Variants in MDGA2 observed in about 807,000 individuals in gnomAD.
The protein encoded by MDGA2 is MAM domain-containing glycosylphosphatidylinositol anchor protein 2.
Under a neutral mutation model 117.8 loss-of-function variants are expected in MDGA2, and 40 were observed. That is an observed-to-expected ratio of 0.34 (90% CI 0.26 to 0.44). The LOEUF (loss-of-function observed/expected upper bound fraction) is 0.44. Among genes scored for constraint, MDGA2 ranks in the 20% least tolerant of loss-of-function variants. The probability of loss-of-function intolerance (pLI) is 1.00; values close to 1 mark genes in which losing one functional copy is unlikely to be tolerated. For missense variants in MDGA2, 1,123 were observed against 1,250.6 expected, an observed-to-expected ratio of 0.90 and a Z score of 1.54; for synonymous variants, 452 against 439.0, an observed-to-expected ratio of 1.03 and a Z score of -0.37.
At chr14:47,664,265 CA>C (rs1897901818) in intron 1 of MDGA2, among the ~76,000 whole-genome samples, 1 of 152,166 alleles carries the variant, frequency 6.6e-6, no homozygotes, top group East Asian at 1.9e-4. Flanking sequence ...TAGACTGACA[CA>C]ACCAGAATAT....
At chr14:47,278,817 T>C (rs1009389051) in intron 2 of MDGA2, among the ~76,000 whole-genome samples, 6 of 152,188 alleles carry the variant, frequency 3.9e-5, no homozygotes, top group Non-Finnish European at 8.8e-5. Flanking sequence ...TAGCTTTTTG[T>C]ATGTTCTTTC....
intron 1 of MDGA2, among the ~76,000 whole-genome samples, chr14:47,601,352 G>A (rs1158867165): frequency 6.6e-6 from 1 of 152,060 alleles, no homozygotes; most frequent in Non-Finnish European, 1.5e-5. Flanking sequence ...ATACTTTTGT[G>A]ACTTTCTTCA....
At chr14:47,545,959 A>G (rs1895454535) in intron 1 of MDGA2, among the ~76,000 whole-genome samples, 1 of 152,120 alleles carries the variant, frequency 6.6e-6, no homozygotes, top group African/African-American at 2.4e-5. Flanking sequence ...TGTGCTAAGC[A>G]CTTTTGGGAA....
chr14:47,391,722 T>C (rs987552554), intron 1 of MDGA2, among the ~76,000 whole-genome samples: 3 of 152,162 alleles, frequency 2.0e-5, no homozygotes, highest in African/African-American at 7.2e-5. Context: ...AATTTGAAAA[T>C]GTTTTTCTAA....
chr14:46,856,495 A>C (rs1881274378), intron 14 of MDGA2, among the ~76,000 whole-genome samples: 1 of 152,076 alleles, frequency 6.6e-6, no homozygotes, highest in African/African-American at 2.4e-5. Context: ...ACTAGTAATC[A>C]GGCTTCTATC....
chr14:47,548,856 G>A (rs915183709), intron 1 of MDGA2, among the ~76,000 whole-genome samples: 3 of 151,994 alleles, frequency 2.0e-5, no homozygotes, highest in Non-Finnish European at 2.9e-5. Context: ...GTCCTTTAAA[G>A]TTGTAGTCAG....
intron 1 of MDGA2, among the ~76,000 whole-genome samples, chr14:47,390,491 T>G (rs1411105396): frequency 6.6e-6 from 1 of 152,164 alleles, no homozygotes; most frequent in Non-Finnish European, 1.5e-5. Flanking sequence ...AATATGACAA[T>G]ATGCATGGTC....
intron 2 of MDGA2, among the ~76,000 whole-genome samples, chr14:47,296,400 A>T (rs554244435): frequency 6.6e-6 from 1 of 152,362 alleles, no homozygotes; most frequent in East Asian, 1.9e-4. Context: ...CAACATGTTT[A>T]TCAGCAATTG....
chr14:47,042,357 A>G (rs1190188642), intron 7 of MDGA2, among the ~76,000 whole-genome samples: 4 of 147,324 alleles, frequency 2.7e-5, no homozygotes, highest in East Asian at 4.0e-4. Context: ...ATGCACACGC[A>G]TGCAGGTGCG....
chr14:47,286,183 A>T (rs773232931), intron 2 of MDGA2, among the ~76,000 whole-genome samples: 1 of 152,106 alleles, frequency 6.6e-6, no homozygotes, highest in Non-Finnish European at 1.5e-5. Context: ...AAAGCTGAGT[A>T]ATTGGAAGTA....
intron 1 of MDGA2, among the ~76,000 whole-genome samples, chr14:47,371,558 G>A (rs889297390): frequency 1.3e-5 from 2 of 151,738 alleles, no homozygotes; most frequent in African/African-American, 4.8e-5. Context: ...ATAGTTTGAG[G>A]ATGGTAAGGC....
intron 14 of MDGA2, among the ~76,000 whole-genome samples, chr14:46,864,545 GTTTTTTTTTTTTTTT>G (rs71112467): frequency 3.9e-5 from 2 of 51,472 alleles, no homozygotes; most frequent in African/African-American, 5.9e-5. Flanking sequence ...AGATATTGCT[GTTTTTTTTTTTTTTT>G]TTTTTTTTTT....
intron 1 of MDGA2, among the ~76,000 whole-genome samples, chr14:47,457,901 T>G (rs911740539): frequency 6.6e-6 from 1 of 151,930 alleles, no homozygotes; most frequent in Non-Finnish European, 1.5e-5. Flanking sequence ...CATTTACTGT[T>G]ATTATTTTCA....
chr14:47,399,419 T>C (rs1892085348), intron 1 of MDGA2, among the ~76,000 whole-genome samples: 1 of 152,180 alleles, frequency 6.6e-6, no homozygotes, highest in Non-Finnish European at 1.5e-5. Context: ...GAAGAGAGAA[T>C]GAGGAATAAT....
At chr14:46,950,517 C>A (rs1342050145) in intron 9 of MDGA2, among the ~76,000 whole-genome samples, 1 of 151,920 alleles carries the variant, frequency 6.6e-6, no homozygotes, top group Non-Finnish European at 1.5e-5. Context: ...AGTACAGCTG[C>A]AACTCATAAG....
intron 10 of MDGA2, among the ~76,000 whole-genome samples, chr14:46,918,018 A>G (rs1883967381): frequency 1.3e-5 from 2 of 152,228 alleles, no homozygotes; most frequent in Admixed American, 1.3e-4. Flanking sequence ...TTTGAGGTGC[A>G]TAAAAGTAAA....
At chr14:47,552,509 A>G (rs1028914268) in intron 1 of MDGA2, among the ~76,000 whole-genome samples, 9 of 152,212 alleles carry the variant, frequency 5.9e-5, no homozygotes, top group Non-Finnish European at 1.5e-5. Flanking sequence ...CCAATCTTTC[A>G]GCAAATCCTA....
chr14:47,376,890 T>C (rs1169137620), intron 1 of MDGA2, among the ~76,000 whole-genome samples: 1 of 152,148 alleles, frequency 6.6e-6, no homozygotes, highest in Non-Finnish European at 1.5e-5. Context: ...AAAAGATTAA[T>C]TACAAACAAT....
chr14:47,541,779 CTCT>C (rs1248800945), intron 1 of MDGA2, among the ~76,000 whole-genome samples: 4 of 152,140 alleles, frequency 2.6e-5, no homozygotes, highest in Non-Finnish European at 5.9e-5. Context: ...CCATTTTATC[CTCT>C]TCTTAAGCCT....
Sources: allele counts gnomAD v4.1 joint callset (sites outside exome capture counted in the v4.1 genomes callset), GRCh38; gene constraint gnomAD v4.1.1; transcripts MANE v1.5; gene names NCBI Gene and HGNC (gene_info 2026-07-23, HGNC 2026-07-21).